Variants in XRN2 observed in about 807,000 individuals in gnomAD.
The protein encoded by XRN2 is 5'-3' exoribonuclease 2, also known as DHM1-like protein.
A neutral mutation model predicts 138.5 loss-of-function variants in XRN2; 44 were observed. The ratio of observed to expected loss-of-function variants is 0.32; its 90% CI spans 0.25 to 0.41. The LOEUF is 0.41. Ranked by LOEUF, XRN2 falls within the 10% of genes least tolerant of loss-of-function variation. The pLI is 1.00. For missense variants in XRN2, 937 were observed against 1,169.3 expected (o/e 0.80, Z 2.90); for synonymous variants, 354 against 369.4 (o/e 0.96, Z 0.48).
intron 21 of XRN2, 46 bp downstream of exon 21, chr20:21,354,918 CTT>C: frequency 2.1e-6 from 3 of 1,441,286 alleles, no homozygotes; most frequent in Non-Finnish European, 2.9e-6. Context: ...GTAATATACA[CTT>C]TATATTTCTG....
chr20:21,306,615 C>G lies in XRN2; in HGVS notation c.75+3142C>G, dbSNP rs1229096775. On this transcript the variant is annotated intron_variant, in intron 1 of 29. Transcript: ENST00000377191. ...TTTATTATAACTTGTTTGATCCTCA[C>G]AACCACATGACTTCTACTGTTGTAA... Among the ~76,000 whole-genome samples, 2 of 77,520 alleles carry G rather than the reference C, an allele frequency of 2.6e-5. 1 individual carries two copies. Among genetic ancestry groups the G allele is most frequent in the East Asian group, 1.3e-3 (2 of 1,530 alleles). The allele number at this position is 77,520 out of a possible 152,430, so 50.9% of individuals were successfully genotyped here.
At chr20:21,358,074 G>GCT (rs2038596824) in intron 24 of XRN2, among the ~76,000 whole-genome samples, 1 of 152,146 alleles carries the variant, frequency 6.6e-6, no homozygotes, top group East Asian at 1.9e-4. Context: ...TAAAGAGTAG[G>GCT]AGTATCTAGC....
At chr20:21,362,561 T>C (rs2038649435) in intron 24 of XRN2, among the ~76,000 whole-genome samples, 3 of 152,192 alleles carry the variant, frequency 2.0e-5, no homozygotes, top group Admixed American at 1.3e-4. Flanking sequence ...CCCTCTGCTC[T>C]CTCGCACACT....
At chr20:21,309,777 T>C (rs757799421) in intron 1 of XRN2, among the ~76,000 whole-genome samples, 1 of 152,176 alleles carries the variant, frequency 6.6e-6, no homozygotes, top group Non-Finnish European at 1.5e-5. Context: ...TCCTGTTAAC[T>C]TGTTATTATC....
chr20:21,353,902 A>G (rs2038544627), intron 20 of XRN2, among the ~76,000 whole-genome samples: 1 of 152,166 alleles, frequency 6.6e-6, no homozygotes, highest in South Asian at 2.1e-4. Context: ...TTCATTTCTC[A>G]TAATTTTAAA....
chr20:21,364,593 G>T (rs902190462), intron 24 of XRN2, among the ~76,000 whole-genome samples: 1 of 152,132 alleles, frequency 6.6e-6, no homozygotes, highest in Non-Finnish European at 1.5e-5. Context: ...GGTCTTATGA[G>T]TCCAGGAGTT....
intron 17 of XRN2, among the ~76,000 whole-genome samples, chr20:21,347,653 CAAAAG>C (rs1465942408): frequency 6.6e-6 from 1 of 152,124 alleles, no homozygotes; most frequent in Non-Finnish European, 1.5e-5. Context: ...TTTTTATAGT[CAAAAG>C]AAACTTGTCA....
chr20:21,346,825 G>A (rs2038442558), intron 17 of XRN2, among the ~76,000 whole-genome samples: 2 of 151,956 alleles, frequency 1.3e-5, no homozygotes, highest in South Asian at 4.2e-4. Context: ...CACCATGTTG[G>A]TCAGGCTGGT....
chr20:21,358,179 A>G (rs2038598080), intron 24 of XRN2, among the ~76,000 whole-genome samples: 1 of 152,204 alleles, frequency 6.6e-6, no homozygotes, highest in South Asian at 2.1e-4. Context: ...GTTTATAATC[A>G]TGGCCCTGCA....
chr20:21,361,604 C>T (rs1453547183), intron 24 of XRN2, among the ~76,000 whole-genome samples: 1 of 152,186 alleles, frequency 6.6e-6, no homozygotes, highest in Non-Finnish European at 1.5e-5. Context: ...CTCTTTACCT[C>T]AGTGTTACTT....
intron 20 of XRN2, among the ~76,000 whole-genome samples, chr20:21,353,744 A>G (rs1208317393): frequency 1.3e-5 from 2 of 149,030 alleles, no homozygotes; most frequent in Admixed American, 6.7e-5. Context: ...GCAGTGAGCA[A>G]TGATCGTGCC....
chr20:21,372,555 A>T (rs2038774763), intron 27 of XRN2, among the ~76,000 whole-genome samples: 1 of 152,154 alleles, frequency 6.6e-6, no homozygotes, highest in African/African-American at 2.4e-5. Context: ...GCAATAAAAC[A>T]TAAAAAACAC....
rs2038251880 is a variant in XRN2, at chr20:21,333,962, A to G, written c.1093A>G (p.Asn365Asp). The G allele has an allele frequency of 6.2e-7, 1 of 1,614,018 alleles. No individual in the cohort carries two copies. Among genetic ancestry groups the G allele is most frequent in the Admixed American group, 1.7e-5 (1 of 60,012 alleles). Residue 365 changes from asparagine to aspartate, a missense_variant, in exon 12 of 30, where the codon AAC (asparagine) becomes GAC (aspartate). Asn to Asp is a conservative substitution (Grantham distance 23). Transcript: ENST00000377191. The stretch of plus-strand genomic sequence containing the variant: ...GGAAAATGCAATTGACCGTTTGGTT[A>G]ACATATACAAAAATGTGGTACACAA... ...IRENAIDRLV[N>D]IYKNVVHKTG...
chr20:21,327,102 G>A (rs908989934), intron 3 of XRN2, among the ~76,000 whole-genome samples: 7 of 152,182 alleles, frequency 4.6e-5, no homozygotes, highest in African/African-American at 1.7e-4. Context: ...AATGTGGCAG[G>A]TAAACACACT....
chr20:21,376,609 A>T (rs907124104), intron 27 of XRN2, among the ~76,000 whole-genome samples: 11 of 152,142 alleles, frequency 7.2e-5, no homozygotes, highest in South Asian at 2.1e-4. Flanking sequence ...AGGAGAGATG[A>T]TGAGGGTCTG....
intron 27 of XRN2, among the ~76,000 whole-genome samples, chr20:21,375,010 CT>C (rs34212552): frequency 7.6e-4 from 34 of 44,672 alleles, no homozygotes; most frequent in Non-Finnish European, 1.0e-3. Context: ...TTGGTAAGTT[CT>C]TTTTTTTTTT....
Position 21,386,905 on chromosome 20 carries a change from A to G in XRN2, c.2686A>G (p.Met896Val). 6.2e-7 allele frequency: 1 copy of G among 1,613,966 alleles called. No homozygotes were observed. The highest frequency in any genetic ancestry group is 8.5e-7 in the Non-Finnish European group (1 of 1,179,824). The change falls in exon 29 of 30, where the codon ATG becomes GTG. Residue 896 changes from methionine to valine, a missense_variant. Around this residue, in one of 6 missense-constraint regions of XRN2, gnomAD observed 372 missense variants for 414.4 expected, o/e 0.90. Transcript: ENST00000377191. ...GAEPLLPWNR[M>V]LQTQNAAFQP... is the part of the protein sequence containing the mutation. ...TGAACCTCTGCTCCCATGGAACCGG[A>G]TGCTGCAAACCCAGAATGCAGCCTT...
At chr20:21,304,987 T>C (rs533395184) in intron 1 of XRN2, among the ~76,000 whole-genome samples, 1 of 149,748 alleles carries the variant, frequency 6.7e-6, no homozygotes, top group South Asian at 2.1e-4. Flanking sequence ...GTGATTTTGT[T>C]TTTTGTGCTG....
chr20:21,340,787 C>G lies in XRN2; in HGVS notation c.1345C>G (p.Pro449Ala), dbSNP rs201052387. ...TCATGCCTTGGGTTCAAGAAATTCACCAGGTTCTCAAGTAGCCAGTAATCC... is the reference window on the plus strand; with the variant it reads ...TCATGCCTTGGGTTCAAGAAATTCAGCAGGTTCTCAAGTAGCCAGTAATCC... ...TPHALGSRNS[P>A]GSQVASNPRQ... is the part of the protein sequence containing the mutation. The change falls in exon 15 of 30, where the codon CCA becomes GCA. Residue 449 changes from proline (P) to alanine (A), a missense_variant. This residue lies in a region of XRN2 where 471 missense variants were observed against 581.2 expected (regional missense o/e 0.81). Transcript: ENST00000377191. 1.9e-6 allele frequency: 3 copies of G among 1,613,952 alleles called. No homozygotes were observed. The highest frequency in any genetic ancestry group is 2.5e-6 in the Non-Finnish European group (3 of 1,179,900).
Sources: gnomAD v4.1 joint callset for allele counts (sites outside exome capture counted in the v4.1 genomes callset) on GRCh38, gnomAD v4.1.1 for gene constraint, gnomAD v4.1.1 regional missense constraint, MANE v1.5 for transcripts, NCBI Gene and HGNC (gene_info 2026-07-23, HGNC 2026-07-21) for gene names.